Variants in MAPK10 observed in about 807,000 individuals in gnomAD.
MAPK10 encodes the protein mitogen-activated protein kinase 10.
In MAPK10, 25 loss-of-function variants were observed where a neutral mutation model predicts 59.3. That is an observed-to-expected ratio of 0.42 (90% CI 0.31 to 0.59). MAPK10 has a LOEUF of 0.59. MAPK10 is among the 20% of genes least tolerant of loss of function. The pLI, the probability that MAPK10 is intolerant of heterozygous loss-of-function variation, is 0.15. For synonymous variants in MAPK10, 190 were observed against 200.5 expected, an observed-to-expected ratio of 0.95 and a Z score of 0.44; for missense variants, 351 against 568.9, an observed-to-expected ratio of 0.62 and a Z score of 3.90.
At chr4:86,347,851 G>T (rs1435119483) in intron 2 of MAPK10, among the ~76,000 whole-genome samples, 2 of 152,076 alleles carry the variant, frequency 1.3e-5, no homozygotes, top group South Asian at 4.2e-4. Flanking sequence ...TCTCCTTGGG[G>T]TTAGGACTTC....
chr4:86,010,689 G>C lies in MAPK10; in HGVS notation c.*6539C>G, dbSNP rs1429289339. ...TTAATATTATGAATTCTCTTGGTCT[G>C]TGTAAAATATTATTTGCATTATAAA... On this transcript the variant is annotated 3_prime_UTR_variant, in exon 14 of 14. Coordinates refer to ENST00000641462, the MANE Select transcript of MAPK10 (RefSeq NM_138982.4). 1 of 152,112 alleles carries C rather than the reference G, an allele frequency of 6.6e-6. No homozygotes were observed. Among genetic ancestry groups the C allele is most frequent in the Admixed American group, 6.5e-5 (1 of 15,272 alleles). 9.4% of individuals were successfully genotyped at this position (152,112 alleles called of 1,614,324 possible).
At chr4:86,276,261 T>C (rs1328753814) in intron 2 of MAPK10, among the ~76,000 whole-genome samples, 1 of 152,110 alleles carries the variant, frequency 6.6e-6, no homozygotes, top group Non-Finnish European at 1.5e-5. Flanking sequence ...CTAGTACCTA[T>C]CTTTACTCTC....
At chr4:86,432,199 T>TG in intron 1 of MAPK10, among the ~76,000 whole-genome samples, 1 of 152,190 alleles carries the variant, frequency 6.6e-6, no homozygotes, top group Non-Finnish European at 1.5e-5. Context: ...AAGGTTTTTC[T>TG]GGGGTCCCCT....
intron 1 of MAPK10, among the ~76,000 whole-genome samples, chr4:86,552,512 A>AG (rs1759922388): frequency 1.9e-5 from 2 of 107,268 alleles, no homozygotes; most frequent in South Asian, 3.6e-4. Flanking sequence ...AAAGGAAGGA[A>AG]GGAAGGAAGG....
chr4:86,571,231 T>TA (rs200765293), intron 1 of MAPK10, among the ~76,000 whole-genome samples: 3,464 of 149,654 alleles, frequency 0.023, 48 homozygotes, highest in Middle Eastern at 0.07. Context: ...AAAATTAATT[T>TA]AAAAAAATCT....
chr4:86,454,237 C>T (rs528263877), upstream of MAPK10, among the ~76,000 whole-genome samples: 189 of 152,240 alleles, frequency 1.2e-3, no homozygotes, highest in African/African-American at 4.5e-3. Context: ...CACACTAGCT[C>T]TCCAGCATTG....
chr4:86,338,798 G>A (rs187242294), intron 2 of MAPK10, among the ~76,000 whole-genome samples: 1 of 152,148 alleles, frequency 6.6e-6, no homozygotes, highest in Admixed American at 6.6e-5. Context: ...AGTGATGAAA[G>A]TGCTTGGTAA....
intron 2 of MAPK10, among the ~76,000 whole-genome samples, chr4:86,256,898 GC>G (rs2093759016): frequency 1.3e-5 from 1 of 74,278 alleles, no homozygotes; most frequent in Non-Finnish European, 2.4e-5. Context: ...CCGCCATTGC[GC>G]CCGCCATTGC....
At chr4:86,512,194 A>G (rs1756327700) in intron 1 of MAPK10, among the ~76,000 whole-genome samples, 1 of 152,216 alleles carries the variant, frequency 6.6e-6, no homozygotes, top group African/African-American at 2.4e-5. Context: ...ACTTTTGAGA[A>G]CAAAGGTGGA....
At chr4:86,129,380 G>A (rs1162483795) in intron 4 of MAPK10, among the ~76,000 whole-genome samples, 1 of 152,130 alleles carries the variant, frequency 6.6e-6, no homozygotes, top group Non-Finnish European at 1.5e-5. Context: ...AGACCAATGT[G>A]TTTGAGAAAC....
intron 2 of MAPK10, among the ~76,000 whole-genome samples, chr4:86,349,743 T>C (rs915316231): frequency 2.0e-4 from 30 of 152,172 alleles, no homozygotes; most frequent in African/African-American, 7.2e-5. Flanking sequence ...CTTGTGAAAA[T>C]GCAGATTCTT....
chr4:86,204,286 AAAAT>A (rs1421635315), intron 2 of MAPK10, among the ~76,000 whole-genome samples: 3 of 152,112 alleles, frequency 2.0e-5, no homozygotes, highest in Non-Finnish European at 2.9e-5. Context: ...AATAATTTCT[AAAAT>A]AATATCTAAT....
chr4:86,373,655 A>G (rs902428017), intron 1 of MAPK10, among the ~76,000 whole-genome samples: 1 of 152,212 alleles, frequency 6.6e-6, no homozygotes, highest in African/African-American at 2.4e-5. Flanking sequence ...TATGAAAAAA[A>G]GTTCATCATC....
chr4:86,159,284 T>C lies in MAPK10; in HGVS notation c.236+14A>G. ...GTGTTCCCTTTAAAAATACAGCAAA[T>C]CCATTCCGCTTACCAAACTATGCCC... On this transcript the variant is annotated intron_variant, in intron 4 of 13. Coordinates refer to ENST00000641462, the MANE Select transcript of MAPK10 (RefSeq NM_138982.4). 4 of 1,582,878 alleles carry C rather than the reference T, an allele frequency of 2.5e-6. No individual in the cohort carries two copies. Among genetic ancestry groups the C allele is most frequent in the Non-Finnish European group, 3.4e-6 (4 of 1,164,778 alleles).
At chr4:86,164,963 T>TGG (rs2071115173) in intron 3 of MAPK10, among the ~76,000 whole-genome samples, 6 of 152,138 alleles carry the variant, frequency 3.9e-5, no homozygotes, top group Non-Finnish European at 5.9e-5. Flanking sequence ...CCAAGAAATT[T>TGG]AAAGGGCCTG....
chr4:86,582,386 T>C (rs951523667), intron 1 of MAPK10, among the ~76,000 whole-genome samples: 1 of 152,232 alleles, frequency 6.6e-6, no homozygotes, highest in Non-Finnish European at 1.5e-5. Context: ...GTGATTACTA[T>C]AGTAGTTTGA....
chr4:86,042,651 T>G (rs76685020), intron 11 of MAPK10, among the ~76,000 whole-genome samples: 1 of 152,078 alleles, frequency 6.6e-6, no homozygotes, highest in Non-Finnish European at 1.5e-5. Flanking sequence ...CTATAAGATG[T>G]TTTTGTAATT....
At position 86,328,448 on chromosome 4, in the gene MAPK10, C is replaced by A. The variant is rs191154140; in HGVS notation, c.-7+26082G>T. ...TATTGTGGAAGACACTGTGGCGATTCCTCAAGGATCTAGAACAAGAAATAC... is the reference window on the plus strand; with the variant it reads ...TATTGTGGAAGACACTGTGGCGATTACTCAAGGATCTAGAACAAGAAATAC... On this transcript the variant is annotated intron_variant, in intron 2 of 13. Coordinates refer to ENST00000641462, the MANE Select transcript of MAPK10 (RefSeq NM_138982.4). 1.2e-4 allele frequency among the ~76,000 whole-genome samples: 18 copies of A among 152,240 alleles called. No individual in the cohort carries two copies. In the East Asian group the frequency reaches 3.5e-3, roughly 29 times the overall value.
intron 4 of MAPK10, among the ~76,000 whole-genome samples, chr4:86,130,137 T>C (rs1199016056): frequency 3.9e-5 from 6 of 152,168 alleles, no homozygotes; most frequent in Admixed American, 3.9e-4. Context: ...AGCATTTCTT[T>C]TTAATTTGAG....
Sources: gnomAD v4.1 joint callset for allele counts (sites outside exome capture counted in the v4.1 genomes callset) on GRCh38, gnomAD v4.1.1 for gene constraint, MANE v1.5 for transcripts, NCBI Gene and HGNC (gene_info 2026-07-23, HGNC 2026-07-21) for gene names.